Variants in NREP observed in about 807,000 individuals in gnomAD.
NREP encodes neuronal regeneration-related protein.
In NREP, 5 loss-of-function variants were observed where a neutral mutation model predicts 8.6. That is an observed-to-expected ratio of 0.58 (90% CI 0.30 to 1.22). The LOEUF (loss-of-function observed/expected upper bound fraction) is 1.22. Among genes scored for constraint, NREP ranks in the 50% most tolerant of loss-of-function variants. The pLI is 0.07. For synonymous variants in NREP, 27 were observed against 28.0 expected (o/e 0.96, Z 0.11); for missense variants, 86 against 82.5 (o/e 1.04, Z -0.17).
intron 2 of NREP, among the ~76,000 whole-genome samples, chr5:111,805,075 G>A (rs1486400623): frequency 2.0e-5 from 3 of 152,110 alleles, no homozygotes; most frequent in Non-Finnish European, 1.5e-5. Flanking sequence ...CCATAAAGAC[G>A]TCTACAAAAA....
chr5:111,872,185 T>C (rs996305268), intron 2 of NREP, among the ~76,000 whole-genome samples: 2 of 151,674 alleles, frequency 1.3e-5, no homozygotes, highest in Admixed American at 6.6e-5. Flanking sequence ...ACCCAGAGAG[T>C]TGATGGTGTC....
At chr5:111,903,127 A>C (rs1581205142) in intron 2 of NREP, among the ~76,000 whole-genome samples, 2 of 130,102 alleles carry the variant, frequency 1.5e-5, no homozygotes, top group East Asian at 4.7e-4. Context: ...TCTGTAACCC[A>C]GGCTGGTGTT....
chr5:111,765,283 T>A (rs1751053948), intron 2 of NREP, among the ~76,000 whole-genome samples: 1 of 152,140 alleles, frequency 6.6e-6, no homozygotes, highest in Admixed American at 6.6e-5. Context: ...AGGCAGAGCT[T>A]AGGCAGTAAT....
chr5:111,889,269 C>G (rs955402832), intron 2 of NREP, among the ~76,000 whole-genome samples: 1 of 152,130 alleles, frequency 6.6e-6, no homozygotes, highest in African/African-American at 2.4e-5. Context: ...GAAGCAGGAG[C>G]AAGAGAGAGT....
chr5:111,803,017 A>C (rs1168062626), intron 2 of NREP, among the ~76,000 whole-genome samples: 6 of 152,236 alleles, frequency 3.9e-5, no homozygotes, highest in Admixed American at 3.9e-4. Context: ...AACTGGGAGA[A>C]TGGTGTTGCC....
intron 2 of NREP, among the ~76,000 whole-genome samples, chr5:111,968,655 G>A (rs1482973133): frequency 6.6e-6 from 1 of 152,178 alleles, no homozygotes; most frequent in Non-Finnish European, 1.5e-5. Flanking sequence ...GCCAAAAACT[G>A]ATGACCTTTC....
chr5:111,813,482 G>A (rs552265323), intron 2 of NREP, among the ~76,000 whole-genome samples: 3 of 152,010 alleles, frequency 2.0e-5, no homozygotes, highest in East Asian at 1.9e-4. Context: ...GCTTGTATTC[G>A]TTCATGCTTA....
intron 2 of NREP, among the ~76,000 whole-genome samples, chr5:111,771,617 G>T (rs1201483463): frequency 6.6e-6 from 1 of 151,982 alleles, no homozygotes; most frequent in African/African-American, 2.4e-5. Flanking sequence ...ACAAAAATTA[G>T]CTGGGAGTGG....
intron 2 of NREP, among the ~76,000 whole-genome samples, chr5:111,970,328 T>A (rs1490869898): frequency 6.6e-6 from 1 of 152,130 alleles, no homozygotes; most frequent in Non-Finnish European, 1.5e-5. Flanking sequence ...AATGATGGCA[T>A]TGGTCTGAGT....
At chr5:111,934,662 G>A (rs188904397) in intron 2 of NREP, among the ~76,000 whole-genome samples, 102 of 152,174 alleles carry the variant, frequency 6.7e-4, no homozygotes, top group Non-Finnish European at 8.4e-4. Context: ...AGTTCCATGT[G>A]GGGAATCAGC....
At chr5:111,826,772 T>G (rs1752638187) in intron 2 of NREP, among the ~76,000 whole-genome samples, 1 of 152,200 alleles carries the variant, frequency 6.6e-6, no homozygotes, top group African/African-American at 2.4e-5. Flanking sequence ...TGGCCTCAAG[T>G]GATCCACCTG....
chr5:111,953,755 T>C (rs543193143), intron 2 of NREP, among the ~76,000 whole-genome samples: 3 of 152,086 alleles, frequency 2.0e-5, no homozygotes, highest in African/African-American at 7.2e-5. Flanking sequence ...TAGAAAGTGA[T>C]ATTTAAGTTG....
chr5:111,755,823 A>G lies in NREP; in HGVS notation c.-51T>C, dbSNP rs1750668503. The G allele has an allele frequency of 1.9e-6, 3 of 1,613,698 alleles. No individual in the cohort carries two copies. Among genetic ancestry groups the G allele is most frequent in the Non-Finnish European group, 2.5e-6 (3 of 1,179,774 alleles). On this transcript the variant is annotated 5_prime_UTR_variant, in exon 2 of 4. Transcript: ENST00000257435. ...TATTCTCCCTCTCTTCAGTCCAGGG[A>G]GACCAACCTGCAAAATATGTTTAAA... is the stretch of plus-strand genomic sequence containing the variant.
chr5:111,823,450 A>T (rs567113745), intron 2 of NREP, among the ~76,000 whole-genome samples: 67 of 152,302 alleles, frequency 4.4e-4, no homozygotes, highest in Non-Finnish European at 8.2e-4. Flanking sequence ...TTTAACTTTA[A>T]TTAAAGTACT....
intron 2 of NREP, among the ~76,000 whole-genome samples, chr5:111,772,263 C>T (rs771743221): frequency 6.6e-6 from 1 of 152,030 alleles, no homozygotes; most frequent in Non-Finnish European, 1.5e-5. Flanking sequence ...TGGCCAAGAG[C>T]CTTATTTTTC....
At chr5:111,812,859 G>C (rs1284980679) in intron 2 of NREP, among the ~76,000 whole-genome samples, 1 of 152,102 alleles carries the variant, frequency 6.6e-6, no homozygotes, top group African/African-American at 2.4e-5. Context: ...CTTCATACAT[G>C]TCATGATTTC....
chr5:111,898,098 C>G (rs1020566338), intron 2 of NREP, among the ~76,000 whole-genome samples: 1 of 152,106 alleles, frequency 6.6e-6, no homozygotes, highest in Non-Finnish European at 1.5e-5. Flanking sequence ...AGTGTTAGAA[C>G]TTTGGCTTTT....
Position 111,844,954 on chromosome 5 carries a change from A to G in NREP, c.136-109447T>C, listed in dbSNP as rs188811387. 2.2e-3 allele frequency among the ~76,000 whole-genome samples: 335 copies of G among 151,944 alleles called. 2 individuals carry two copies. The highest frequency in any genetic ancestry group is 7.7e-3 in the African/African-American group (320 of 41,464). ...CATGAATATAACTAATAAATATTATATATATAAAGCCTGGGTTCATGTGGG... is the reference window on the plus strand; with the variant it reads ...CATGAATATAACTAATAAATATTATGTATATAAAGCCTGGGTTCATGTGGG... On this transcript the variant is annotated intron_variant, in intron 2 of 3. Coordinates refer to the NREP transcript ENST00000395634.
At chr5:111,825,467 C>T (rs1752600589) in intron 2 of NREP, among the ~76,000 whole-genome samples, 1 of 152,142 alleles carries the variant, frequency 6.6e-6, no homozygotes, top group Non-Finnish European at 1.5e-5. Flanking sequence ...GTCTCTCTTT[C>T]TAGAATACAC....
Sources: gnomAD v4.1 joint callset for allele counts (sites outside exome capture counted in the v4.1 genomes callset) on GRCh38, gnomAD v4.1.1 for gene constraint, MANE v1.5 for transcripts, NCBI Gene and HGNC (gene_info 2026-07-23, HGNC 2026-07-21) for gene names.